PHACTR4: variants seen among roughly 807,000 people sequenced by gnomAD.
PHACTR4 encodes the protein phosphatase and actin regulator 4.
A neutral mutation model predicts 72.7 loss-of-function variants in PHACTR4; 51 were observed. The observed-to-expected ratio is 0.70, with a 90% CI of 0.56 to 0.89. The LOEUF (loss-of-function observed/expected upper bound fraction) is 0.89. Among genes scored for constraint, PHACTR4 ranks in the 40% least tolerant of loss-of-function variants. The pLI is 0.00. For missense variants in PHACTR4, 731 were observed against 861.8 expected (o/e 0.85, Z 1.90); for synonymous variants, 255 against 302.5 (o/e 0.84, Z 1.63).
At chr1:28,371,617 G>A (rs528181404) in intron 1 of PHACTR4, among the ~76,000 whole-genome samples, 2 of 151,392 alleles carry the variant, frequency 1.3e-5, no homozygotes, top group South Asian at 4.2e-4. Flanking sequence ...TTTATTTTTT[G>A]AAATAGGGTC....
chr1:28,438,664 G>A (rs1345685145), intron 2 of PHACTR4, among the ~76,000 whole-genome samples: 1 of 152,150 alleles, frequency 6.6e-6, no homozygotes, highest in Non-Finnish European at 1.5e-5. Flanking sequence ...ATCGCTCACA[G>A]TTTTGTTTTA....
intron 1 of PHACTR4, among the ~76,000 whole-genome samples, chr1:28,393,309 G>A (rs1653205171): frequency 6.6e-6 from 1 of 152,144 alleles, no homozygotes; most frequent in African/African-American, 2.4e-5. Flanking sequence ...TGGGAGAAGG[G>A]TTCATCCTTC....
At chr1:28,408,938 C>G (rs1654568438) in intron 2 of PHACTR4, among the ~76,000 whole-genome samples, 1 of 151,584 alleles carries the variant, frequency 6.6e-6, no homozygotes, top group Admixed American at 6.6e-5. Flanking sequence ...CCTTGGCCTC[C>G]CAGAGTGTTA....
chr1:28,450,391 G>T (rs1165961787), intron 2 of PHACTR4, among the ~76,000 whole-genome samples: 1 of 151,062 alleles, frequency 6.6e-6, no homozygotes, highest in Non-Finnish European at 1.5e-5. Context: ...AAATGTGACT[G>T]CATGCCTATA....
At chr1:28,379,140 C>T (rs959406212) in intron 1 of PHACTR4, among the ~76,000 whole-genome samples, 2 of 151,920 alleles carry the variant, frequency 1.3e-5, no homozygotes, top group African/African-American at 4.8e-5. Context: ...TTTTTTGTAG[C>T]GATGGGATTT....
chr1:28,498,049 G>T lies in PHACTR4; in HGVS notation c.*1500G>T, dbSNP rs1489660774. ...TGCTAACGTGGCAGAAAACTAGCAG[G>T]TTACATTTTATAGGCTATTGTAGTT... is the stretch of plus-strand genomic sequence containing the variant. On this transcript the variant is annotated 3_prime_UTR_variant, in exon 14 of 14. Coordinates refer to ENST00000373839, the MANE Select transcript of PHACTR4 (RefSeq NM_001048183.3). The T allele has an allele frequency of 6.6e-6, 1 of 151,586 alleles. No individual in the cohort carries two copies. Among genetic ancestry groups the T allele is most frequent in the Non-Finnish European group, 1.5e-5 (1 of 67,988 alleles). 9.4% of individuals were successfully genotyped at this position (151,586 alleles called of 1,614,324 possible).
chr1:28,385,350 C>G (rs1472688874), intron 1 of PHACTR4, among the ~76,000 whole-genome samples: 1 of 151,838 alleles, frequency 6.6e-6, no homozygotes, highest in Non-Finnish European at 1.5e-5. Context: ...TTGAGACCAG[C>G]CTGGCCATCA....
intron 2 of PHACTR4, among the ~76,000 whole-genome samples, chr1:28,452,195 A>C (rs1289628783): frequency 4.6e-5 from 7 of 152,092 alleles, no homozygotes; most frequent in Admixed American, 3.9e-4. Flanking sequence ...GGAGATTTAC[A>C]ACAATTTGAA....
chr1:28,410,831 T>C (rs1388204395), intron 2 of PHACTR4, among the ~76,000 whole-genome samples: 163 of 150,020 alleles, frequency 1.1e-3, no homozygotes, highest in African/African-American at 3.8e-3. Flanking sequence ...CTCAGCCTCC[T>C]GAGTAGCTGG....
intron 1 of PHACTR4, among the ~76,000 whole-genome samples, chr1:28,374,970 G>A (rs1001933938): frequency 2.0e-5 from 3 of 152,124 alleles, no homozygotes; most frequent in Admixed American, 6.6e-5. Flanking sequence ...TACATTATTC[G>A]CTTCAAATTC....
intron 2 of PHACTR4, among the ~76,000 whole-genome samples, chr1:28,411,081 C>G (rs1204339340): frequency 6.6e-6 from 1 of 151,372 alleles, no homozygotes; most frequent in African/African-American, 2.4e-5. Context: ...GAGTCTTGCT[C>G]TGTCACCCAG....
intron 6 of PHACTR4, among the ~76,000 whole-genome samples, chr1:28,468,981 C>T (rs550259810): frequency 6.6e-6 from 1 of 152,220 alleles, no homozygotes; most frequent in South Asian, 2.1e-4. Flanking sequence ...AGGTAAATAG[C>T]CCAAAACAAT....
rs571275573 is a variant in PHACTR4, at chr1:28,453,530, G to A, written c.17-5555G>A. 96 of 608,390 alleles carry A rather than the reference G, an allele frequency of 1.6e-4. 1 individual carries two copies. The highest frequency in any genetic ancestry group is 1.5e-3 in the African/African-American group (84 of 54,558). 37.7% of individuals were successfully genotyped at this position (608,390 alleles called of 1,614,324 possible). ...AGTATATATACATAGGTGGTGGCTG[G>A]GCTGGGGAAATGGCGGCTTCACGAG... is the stretch of plus-strand genomic sequence containing the variant. On this transcript the variant is annotated intron_variant, in intron 2 of 13. Coordinates refer to ENST00000373839, the MANE Select transcript of PHACTR4 (RefSeq NM_001048183.3).
At chr1:28,433,011 G>A in intron 2 of PHACTR4, 2 of 955,574 alleles carry the variant, frequency 2.1e-6, no homozygotes, top group Non-Finnish European at 2.5e-6. Flanking sequence ...CCAAAGTGCT[G>A]GGATTAGAGG....
intron 9 of PHACTR4, among the ~76,000 whole-genome samples, chr1:28,485,583 T>C (rs1267499533): frequency 1.3e-5 from 2 of 150,100 alleles, no homozygotes; most frequent in African/African-American, 4.9e-5. Flanking sequence ...AGTGAGACTC[T>C]GTCTCAATCA....
chr1:28,416,803 G>A (rs1343370912), intron 2 of PHACTR4, among the ~76,000 whole-genome samples: 1 of 152,074 alleles, frequency 6.6e-6, no homozygotes, highest in African/African-American at 2.4e-5. Context: ...GCTTTCAGAG[G>A]CTTTTAAAGT....
At chr1:28,396,845 CTTT>C (rs60578939) in intron 1 of PHACTR4, among the ~76,000 whole-genome samples, 6 of 119,666 alleles carry the variant, frequency 5.0e-5, no homozygotes, top group Admixed American at 9.4e-5. Context: ...TTCTTTCTTT[CTTT>C]TTTTTTTTTT....
chr1:28,381,714 A>T (rs1239179573), intron 1 of PHACTR4, among the ~76,000 whole-genome samples: 2 of 151,926 alleles, frequency 1.3e-5, no homozygotes, highest in Non-Finnish European at 1.5e-5. Context: ...TTTTCATATG[A>T]TTGTTGGCTG....
intron 2 of PHACTR4, among the ~76,000 whole-genome samples, chr1:28,429,242 A>G (rs61783835): frequency 0.39 from 58,835 of 152,088 alleles, 11,989 homozygotes; most frequent in Non-Finnish European, 0.46. Flanking sequence ...ACTTCCTACT[A>G]AGGATCTTGA....
Sources: allele counts gnomAD v4.1 joint callset (sites outside exome capture counted in the v4.1 genomes callset), GRCh38; gene constraint gnomAD v4.1.1; transcripts MANE v1.5; gene names NCBI Gene and HGNC (gene_info 2026-07-23, HGNC 2026-07-21).